ZC3HC1: variants seen among roughly 807,000 people sequenced by gnomAD.
ZC3HC1 encodes zinc finger C3HC-type containing 1.
Under a neutral mutation model 61.9 loss-of-function variants are expected in ZC3HC1, and 38 were observed. The ratio of observed to expected loss-of-function variants is 0.61; its 90% CI spans 0.47 to 0.81. ZC3HC1 has a LOEUF of 0.81. ZC3HC1 is among the 30% of genes least tolerant of loss of function. ZC3HC1 has a pLI of 0.00. For synonymous variants in ZC3HC1, 213 were observed against 229.9 expected, an observed-to-expected ratio of 0.93 and a Z score of 0.67; for missense variants, 554 against 622.7, an observed-to-expected ratio of 0.89 and a Z score of 1.17.
At chr7:130,027,846 C>T (rs995284218) in intron 5 of ZC3HC1, among the ~76,000 whole-genome samples, 2 of 151,832 alleles carry the variant, frequency 1.3e-5, no homozygotes, top group Admixed American at 6.6e-5. Flanking sequence ...CATTTCTACT[C>T]ACAAGGAGAA....
chr7:130,023,332 A>G lies in ZC3HC1; in HGVS notation c.1233+179T>C, dbSNP rs905989393. On this transcript the variant is annotated intron_variant, in intron 8 of 9. Coordinates refer to ENST00000358303, the MANE Select transcript of ZC3HC1 (RefSeq NM_016478.5). This position sits in a 1 kb window ranked among gnomAD's most constrained non-coding sequence, Gnocchi z 4.2. ...CCAGAATCCACTCCAAAGGAACAAA[A>G]AGGAGCAAAAAACATGACTGACATT... 5.3e-5 allele frequency among the ~76,000 whole-genome samples: 8 copies of G among 152,194 alleles called. No homozygotes were observed. The highest frequency in any genetic ancestry group is 1.9e-4 in the African/African-American group (8 of 41,450).
intron 4 of ZC3HC1, chr7:130,036,952 T>C (rs974972212): frequency 1.3e-5 from 2 of 152,182 alleles, no homozygotes; most frequent in East Asian, 3.8e-4. Context: ...TTTATACACA[T>C]TGAGTTCCAG....
intron 3 of ZC3HC1, 73 bp downstream of exon 3, chr7:130,040,878 T>C (rs1794629929): frequency 1.4e-6 from 2 of 1,447,210 alleles, no homozygotes; most frequent in East Asian, 2.4e-5. Flanking sequence ...AATGACCTTT[T>C]TTCCCCCCCC....
intron 9 of ZC3HC1, among the ~76,000 whole-genome samples, chr7:130,020,749 TC>T (rs1793606345): frequency 1.3e-5 from 2 of 150,268 alleles, no homozygotes; most frequent in African/African-American, 5.0e-5. Flanking sequence ...CCATAGGCTT[TC>T]TTTTTCGTAT....
chr7:130,050,590 T>C, intron 1 of ZC3HC1: 1 of 1,155,166 alleles, frequency 8.7e-7, no homozygotes, highest in East Asian at 2.7e-5. Context: ...CAATTATGAA[T>C]GAAGGTAAAA....
intron 2 of ZC3HC1, chr7:130,043,804 C>T (rs548906623): frequency 1.5e-5 from 7 of 452,840 alleles, no homozygotes; most frequent in South Asian, 6.3e-5. Flanking sequence ...AATGGGGTGA[C>T]GAGAGATTCA....
At chr7:130,044,702 GGAAA>G (rs1794800264) in intron 2 of ZC3HC1, among the ~76,000 whole-genome samples, 1 of 152,232 alleles carries the variant, frequency 6.6e-6, no homozygotes, top group African/African-American at 2.4e-5. Flanking sequence ...TTACAAAGGA[GGAAA>G]GAGTTATTTT....
chr7:130,026,867 G>A (rs1022175602), intron 5 of ZC3HC1: 2 of 151,862 alleles, frequency 1.3e-5, no homozygotes, highest in African/African-American at 4.8e-5. Flanking sequence ...CTACCCTGGA[G>A]GCTGAGGCAG....
At chr7:130,035,490 CT>C (rs1274038756) in intron 4 of ZC3HC1, among the ~76,000 whole-genome samples, 1 of 151,624 alleles carries the variant, frequency 6.6e-6, no homozygotes, top group African/African-American at 2.4e-5. Flanking sequence ...GCAGTGAGCC[CT>C]GTGAAACTAT....
intron 5 of ZC3HC1, among the ~76,000 whole-genome samples, chr7:130,027,954 GT>G: frequency 6.8e-6 from 1 of 148,082 alleles, no homozygotes; most frequent in Non-Finnish European, 1.5e-5. Context: ...GGATCACGAG[GT>G]CAGGAGATCT....
intron 9 of ZC3HC1, among the ~76,000 whole-genome samples, chr7:130,021,932 T>C (rs1020259635): frequency 2.6e-5 from 4 of 152,106 alleles, no homozygotes; most frequent in Non-Finnish European, 5.9e-5. Flanking sequence ...CCCAGCACTT[T>C]GGGAGGCCGA....
chr7:130,050,927 G>T (rs180821875), intron 1 of ZC3HC1, among the ~76,000 whole-genome samples: 1 of 152,254 alleles, frequency 6.6e-6, no homozygotes, highest in Admixed American at 6.5e-5. Flanking sequence ...CACAAAAAAA[G>T]GTTAAGAATC....
chr7:130,033,732 G>A (rs1321121699), intron 4 of ZC3HC1, among the ~76,000 whole-genome samples: 7 of 152,028 alleles, frequency 4.6e-5, no homozygotes, highest in African/African-American at 1.7e-4. Flanking sequence ...GATTACAGGC[G>A]TGAGCCACCA....
intron 9 of ZC3HC1, 72 bp downstream of exon 9, chr7:130,022,247 T>C: frequency 3.2e-6 from 5 of 1,586,268 alleles, no homozygotes; most frequent in Admixed American, 1.7e-5. Context: ...GTGCTAATTA[T>C]AGGCCCAGCC....
At chr7:130,046,801 T>A (rs1156822879) in intron 2 of ZC3HC1, among the ~76,000 whole-genome samples, 1 of 152,180 alleles carries the variant, frequency 6.6e-6, no homozygotes, top group African/African-American at 2.4e-5. Context: ...GTATAAGTTT[T>A]TTTTTGAGAC....
intron 2 of ZC3HC1, among the ~76,000 whole-genome samples, chr7:130,045,890 C>CAA (rs59500095): frequency 0.033 from 1,251 of 37,626 alleles, 21 homozygotes; most frequent in Non-Finnish European, 0.046. Flanking sequence ...GACTCCATCT[C>CAA]AAAAAAAAAA....
At chr7:130,040,880 T>A (rs199510074) in intron 3 of ZC3HC1, 71 bp downstream of exon 3, 4 of 1,421,168 alleles carry the variant, frequency 2.8e-6, no homozygotes, top group South Asian at 1.6e-5. Flanking sequence ...TGACCTTTTT[T>A]CCCCCCCCAG....
intron 2 of ZC3HC1, among the ~76,000 whole-genome samples, chr7:130,044,873 C>T (rs1794805509): frequency 6.6e-6 from 1 of 152,160 alleles, no homozygotes; most frequent in Non-Finnish European, 1.5e-5. Context: ...CACAAAGAAA[C>T]ATCAAACAAA....
At chr7:130,048,549 G>A (rs949887623) in intron 2 of ZC3HC1, among the ~76,000 whole-genome samples, 1 of 152,072 alleles carries the variant, frequency 6.6e-6, no homozygotes, top group Admixed American at 6.6e-5. Flanking sequence ...GCAGCAATAG[G>A]TAGCTAATAC....
Sources: gnomAD v4.1 joint callset for allele counts (sites outside exome capture counted in the v4.1 genomes callset) on GRCh38, gnomAD v4.1.1 for gene constraint, Gnocchi (gnomAD v3.1) non-coding constraint, MANE v1.5 for transcripts, NCBI Gene and HGNC (gene_info 2026-07-23, HGNC 2026-07-21) for gene names.